Variants in CSMD1 observed in about 807,000 individuals in gnomAD.
The protein encoded by CSMD1 is CUB and sushi domain-containing protein 1.
A neutral mutation model predicts 417.5 loss-of-function variants in CSMD1; 213 were observed. That is an observed-to-expected ratio of 0.51 (90% CI 0.46 to 0.57). CSMD1 has a LOEUF of 0.57. Among genes scored for constraint, CSMD1 ranks in the 20% least tolerant of loss-of-function variants. The pLI, the probability that CSMD1 is intolerant of heterozygous loss-of-function variation, is 0.00. For missense variants in CSMD1, 6,923 were observed against 4,529.7 expected, an observed-to-expected ratio of 1.53 and a Z score of -15.17; for synonymous variants, 2,862 against 1,736.8, an observed-to-expected ratio of 1.65 and a Z score of -16.11.
At chr8:4,419,184 G>A (rs970771666) in intron 3 of CSMD1, among the ~76,000 whole-genome samples, 2 of 152,134 alleles carry the variant, frequency 1.3e-5, no homozygotes, top group East Asian at 3.9e-4. Context: ...ACGATAGATT[G>A]CTTTTTAAAT....
chr8:3,441,846 TA>T (rs35312725), intron 12 of CSMD1, among the ~76,000 whole-genome samples: 117,607 of 151,382 alleles, frequency 0.78, 46,013 homozygotes, highest in African/African-American at 0.87. Context: ...ATACTTACAT[TA>T]AAAAAAAATC....
intron 3 of CSMD1, among the ~76,000 whole-genome samples, chr8:4,190,966 G>C (rs1219489655): frequency 6.7e-6 from 1 of 148,462 alleles, no homozygotes; most frequent in East Asian, 2.0e-4. Context: ...GGGGGGCGGG[G>C]AAGGGAGAGG....
chr8:3,273,646 C>G (rs965377862), intron 26 of CSMD1, among the ~76,000 whole-genome samples: 2 of 152,174 alleles, frequency 1.3e-5, no homozygotes, highest in Non-Finnish European at 2.9e-5. Flanking sequence ...CAACTTCTTC[C>G]TGGTTTAGTC....
chr8:3,523,574 CAT>C (rs201348859), intron 10 of CSMD1, among the ~76,000 whole-genome samples: 1,533 of 152,136 alleles, frequency 0.01, 10 homozygotes, highest in South Asian at 0.028. Flanking sequence ...TGCACACACA[CAT>C]GTACACACAG....
At chr8:3,960,024 G>C (rs183325626) in intron 5 of CSMD1, among the ~76,000 whole-genome samples, 2 of 152,212 alleles carry the variant, frequency 1.3e-5, no homozygotes, top group Non-Finnish European at 1.5e-5. Context: ...TCAAGCCTTT[G>C]CAAGGAGCCT....
chr8:3,561,419 C>T (rs943910576), intron 10 of CSMD1, among the ~76,000 whole-genome samples: 40 of 152,156 alleles, frequency 2.6e-4, no homozygotes, highest in African/African-American at 8.7e-4. Flanking sequence ...AAAGAAAATG[C>T]GGTATCTTTA....
chr8:3,761,191 G>T, intron 5 of CSMD1, among the ~76,000 whole-genome samples: 1 of 151,992 alleles, frequency 6.6e-6, no homozygotes, highest in East Asian at 1.9e-4. Context: ...TAGGAAAAGC[G>T]ACAATGAACT....
intron 3 of CSMD1, among the ~76,000 whole-genome samples, chr8:4,253,906 T>C (rs1267694517): frequency 2.0e-5 from 2 of 101,744 alleles, no homozygotes; most frequent in African/African-American, 3.3e-5. Flanking sequence ...TTTCCTTCCA[T>C]CTTTTTTTTT....
At chr8:4,051,725 G>T (rs1349461067) in intron 3 of CSMD1, among the ~76,000 whole-genome samples, 1 of 152,160 alleles carries the variant, frequency 6.6e-6, no homozygotes, top group Non-Finnish European at 1.5e-5. Flanking sequence ...GGCAAGCAGG[G>T]ATTAAAGAAA....
At chr8:3,886,463 T>C (rs930111256) in intron 5 of CSMD1, among the ~76,000 whole-genome samples, 1 of 152,200 alleles carries the variant, frequency 6.6e-6, no homozygotes, top group Non-Finnish European at 1.5e-5. Flanking sequence ...AGATAATAAA[T>C]ATTTTGGTTT....
chr8:3,398,151 G>C (rs367893838), intron 16 of CSMD1, among the ~76,000 whole-genome samples: 1 of 152,152 alleles, frequency 6.6e-6, no homozygotes, highest in Non-Finnish European at 1.5e-5. Flanking sequence ...AAGAATATAG[G>C]ATCACTACTT....
At chr8:4,462,044 A>G (rs1799868018) in intron 2 of CSMD1, among the ~76,000 whole-genome samples, 1 of 151,718 alleles carries the variant, frequency 6.6e-6, no homozygotes, top group Non-Finnish European at 1.5e-5. Flanking sequence ...CTGGCTGCTA[A>G]TCTTATTTTT....
chr8:4,433,633 T>C (rs909821046), intron 2 of CSMD1, among the ~76,000 whole-genome samples: 8 of 152,206 alleles, frequency 5.3e-5, no homozygotes, highest in South Asian at 2.1e-4. Context: ...GTTTTCTTTA[T>C]GCTCAAATCT....
chr8:3,317,903 C>A (rs1272286940), intron 23 of CSMD1, among the ~76,000 whole-genome samples: 1 of 152,164 alleles, frequency 6.6e-6, no homozygotes, highest in Non-Finnish European at 1.5e-5. Flanking sequence ...CTTGACCTAG[C>A]AGGCTCAAGC....
chr8:3,910,089 G>T (rs998464149), intron 5 of CSMD1, among the ~76,000 whole-genome samples: 7 of 152,148 alleles, frequency 4.6e-5, no homozygotes, highest in Non-Finnish European at 1.0e-4. Context: ...CATGGCATTG[G>T]GGAAAGGAGA....
intron 3 of CSMD1, among the ~76,000 whole-genome samples, chr8:4,185,580 C>T (rs989021902): frequency 1.3e-5 from 2 of 152,090 alleles, no homozygotes; most frequent in South Asian, 2.1e-4. Flanking sequence ...CAAAAGTATC[C>T]TACCTATCTA....
chr8:3,698,976 C>A (rs1800704605), intron 7 of CSMD1, among the ~76,000 whole-genome samples: 1 of 152,206 alleles, frequency 6.6e-6, no homozygotes, highest in Non-Finnish European at 1.5e-5. Context: ...TGAAGGTCCT[C>A]ACTCCATTCT....
chr8:3,346,582 T>C (rs1278690813), intron 22 of CSMD1, among the ~76,000 whole-genome samples: 3 of 152,194 alleles, frequency 2.0e-5, no homozygotes, highest in Non-Finnish European at 2.9e-5. Context: ...AATTATGACA[T>C]TGAAATACAG....
chr8:3,495,505 T>C (rs563982329), intron 10 of CSMD1, among the ~76,000 whole-genome samples: 1 of 152,316 alleles, frequency 6.6e-6, no homozygotes, highest in Admixed American at 6.5e-5. Context: ...ACAGAGAAAG[T>C]CTTTGTCAGT....
Sources: allele counts gnomAD v4.1 joint callset (sites outside exome capture counted in the v4.1 genomes callset), GRCh38; gene constraint gnomAD v4.1.1; transcripts MANE v1.5; gene names NCBI Gene and HGNC (gene_info 2026-07-23, HGNC 2026-07-21).